PODXL2: variants seen among roughly 807,000 people sequenced by gnomAD.
The protein encoded by PODXL2 is podocalyxin like 2, also known as podocalyxin-like protein 2.
Under a neutral mutation model 53.4 loss-of-function variants are expected in PODXL2, and 17 were observed. That is an observed-to-expected ratio of 0.32 (90% CI 0.22 to 0.48). PODXL2 has a LOEUF of 0.48. PODXL2 is among the 20% of genes least tolerant of loss of function. PODXL2 has a pLI of 0.99. For missense variants in PODXL2, 673 were observed against 760.0 expected (o/e 0.89, Z 1.35); for synonymous variants, 311 against 306.7 (o/e 1.01, Z -0.15).
intron 2 of PODXL2, among the ~76,000 whole-genome samples, chr3:127,644,090 T>C (rs977242548): frequency 3.9e-5 from 6 of 152,202 alleles, no homozygotes; most frequent in Admixed American, 6.5e-5. Context: ...TGTCCTCTTA[T>C]CATTTTAAAG....
chr3:127,669,133 C>T lies in PODXL2; in HGVS notation c.1364-8C>T. 1.3e-6 allele frequency: 2 copies of T among 1,592,920 alleles called. No homozygotes were observed. Among genetic ancestry groups the T allele is most frequent in the South Asian group, 2.3e-5 (2 of 88,682 alleles). ...GTCACACTGATAGTGGTGTTTCTTA[C>T]CCCCCAGGGGTGGTGCCCACTCAAG... is the stretch of plus-strand genomic sequence containing the variant. On this transcript the variant is annotated splice_polypyrimidine_tract_variant and splice_region_variant and intron_variant, in intron 5 of 7. Transcript: ENST00000342480.
chr3:127,631,230 A>T lies in PODXL2; in HGVS notation c.70+1941A>T, dbSNP rs557639448. On this transcript the variant is annotated intron_variant, in intron 1 of 7. Coordinates refer to ENST00000342480, the MANE Select transcript of PODXL2 (RefSeq NM_015720.4). ...TGAGGAGCTGTGTGACAGATGCTGC[A>T]GGGCCCCTCCCATGTTGGTGTCTGC... Among the ~76,000 whole-genome samples the T allele has an allele frequency of 6.6e-5, 10 of 152,308 alleles. No homozygotes were observed. In the South Asian group the frequency reaches 2.1e-3, roughly 32 times the overall value.
intron 1 of PODXL2, among the ~76,000 whole-genome samples, chr3:127,636,583 C>T (rs2074579593): frequency 6.6e-6 from 1 of 152,246 alleles, no homozygotes; most frequent in Non-Finnish European, 1.5e-5. Context: ...GATTCAGACA[C>T]AGGCTCTGGG....
chr3:127,649,798 G>A (rs1411538110), intron 2 of PODXL2, among the ~76,000 whole-genome samples: 1 of 152,158 alleles, frequency 6.6e-6, no homozygotes, highest in African/African-American at 2.4e-5. Flanking sequence ...TTGGCTGGGT[G>A]TGGTGGTGGG....
At chr3:127,642,017 G>A (rs34808703) in intron 2 of PODXL2, among the ~76,000 whole-genome samples, 26 of 112 alleles carry the variant, frequency 0.23, no homozygotes, top group Non-Finnish European at 0.35. Context: ...TTAGGGCCGG[G>A]CACGTGGCTC....
chr3:127,664,615 C>A (rs1056698517), intron 4 of PODXL2, among the ~76,000 whole-genome samples: 2 of 152,090 alleles, frequency 1.3e-5, no homozygotes, highest in Non-Finnish European at 2.9e-5. Flanking sequence ...TTTACATTTT[C>A]GCCAGCACTA....
chr3:127,643,932 C>A (rs998146723), intron 2 of PODXL2, among the ~76,000 whole-genome samples: 1 of 152,162 alleles, frequency 6.6e-6, no homozygotes, highest in African/African-American at 2.4e-5. Context: ...AGCCAGCACG[C>A]CTGGCCCCTT....
chr3:127,650,369 G>A (rs73861556), intron 2 of PODXL2, among the ~76,000 whole-genome samples: 5,907 of 152,244 alleles, frequency 0.039, 299 homozygotes, highest in African/African-American at 0.11. Flanking sequence ...TTAAAAGAAA[G>A]CGGAGAAATA....
chr3:127,672,417 G>A lies in PODXL2; in HGVS notation c.1755G>A (p.Ala585=). 3 of 1,541,960 alleles carry A rather than the reference G, an allele frequency of 1.9e-6. No individual in the cohort carries two copies. The highest frequency in any genetic ancestry group is 1.7e-6 in the Non-Finnish European group (2 of 1,145,400). Residue 585 remains alanine (A), a synonymous_variant, in exon 8 of 8, where the codon GCG becomes GCA. Transcript: ENST00000342480. ...TCAACGGCCCGGGGAGCTGGGGGGC[G>A]CTCATGGGGGGCAAGCGGGACCCCG... ...GALNGPGSWG[A]LMGGKRDPED... is the part of the protein sequence containing the mutation.
chr3:127,631,060 G>A (rs2074542171), intron 1 of PODXL2, among the ~76,000 whole-genome samples: 1 of 152,186 alleles, frequency 6.6e-6, no homozygotes. Context: ...GAGGGCATGT[G>A]CGTGTGTCTA....
At position 127,664,331 on chromosome 3, in the gene PODXL2, C is replaced by CT. The variant is rs575540265; in HGVS notation, c.1206+2033dup. Reference sequence around the variant, plus strand: ...ATTTGGTAGCATGTGGCAGAAATTTCTTTTTTTTTTTTTAAGGCTGAAAAA... The same window carrying CT: ...ATTTGGTAGCATGTGGCAGAAATTTCTTTTTTTTTTTTTTAAGGCTGAAAAA... On this transcript the variant is annotated intron_variant, in intron 4 of 7. Transcript: ENST00000342480. Among the ~76,000 whole-genome samples the CT allele has an allele frequency of 3.4e-3, 483 of 141,590 alleles. 1 individual carries two copies. The highest frequency in any genetic ancestry group is 3.8e-3 in the Non-Finnish European group (245 of 64,212). 92.9% of individuals were successfully genotyped at this position (141,590 alleles called of 152,430 possible).
Position 127,660,698 on chromosome 3 carries a change from G to T in PODXL2, c.670G>T (p.Asp224Tyr). 1 of 1,614,212 alleles carries T rather than the reference G, an allele frequency of 6.2e-7. No individual in the cohort carries two copies. Among genetic ancestry groups the T allele is most frequent in the Non-Finnish European group, 8.5e-7 (1 of 1,180,040 alleles). The change falls in exon 3 of 8, where the codon GAC becomes TAC. Residue 224 changes from aspartate to tyrosine, a missense_variant. By Grantham distance (160) the Asp-to-Tyr change is radical. Coordinates refer to ENST00000342480, the MANE Select transcript of PODXL2 (RefSeq NM_015720.4). ...TPGATKSRHEDSGDQASSGVE... is the reference protein window; with the variant it reads ...TPGATKSRHEYSGDQASSGVE... ...AGGGGCCACCAAAAGCAGGCATGAA[G>T]ACTCCGGGGACCAGGCCTCATCAGG...
At chr3:127,661,299 A>G (rs1342448729) in intron 3 of PODXL2, 140 bp downstream of exon 3, 1 of 643,740 alleles carries the variant, frequency 1.6e-6, no homozygotes, top group African/African-American at 1.8e-5. Flanking sequence ...ACCCCATGGA[A>G]CTTGTGGGGA....
At chr3:127,641,696 A>G (rs1436236552) in intron 2 of PODXL2, among the ~76,000 whole-genome samples, 2 of 151,280 alleles carry the variant, frequency 1.3e-5, no homozygotes, top group African/African-American at 4.9e-5. Flanking sequence ...TATTTTTTTT[A>G]GTAGAGACAG....
chr3:127,656,470 T>C (rs111928487), intron 2 of PODXL2, among the ~76,000 whole-genome samples: 3,140 of 151,836 alleles, frequency 0.021, 108 homozygotes, highest in African/African-American at 0.067. Flanking sequence ...GGCGCGGTGG[T>C]TCACGCCTGT....
chr3:127,646,788 G>A (rs1281814926), intron 2 of PODXL2, among the ~76,000 whole-genome samples: 1 of 152,204 alleles, frequency 6.6e-6, no homozygotes, highest in East Asian at 1.9e-4. Context: ...GCTGGGCCAA[G>A]GGAGGTTCAG....
intron 6 of PODXL2, among the ~76,000 whole-genome samples, chr3:127,669,597 C>T (rs1404847839): frequency 6.6e-6 from 1 of 152,164 alleles, no homozygotes; most frequent in Non-Finnish European, 1.5e-5. Context: ...TGATGGGTTC[C>T]AGAAACCAAA....
intron 2 of PODXL2, among the ~76,000 whole-genome samples, chr3:127,644,947 C>T (rs749373667): frequency 5.3e-5 from 8 of 152,224 alleles, no homozygotes. Flanking sequence ...CCTCGCCTTA[C>T]GTTTCCTCAG....
intron 5 of PODXL2, 92 bp downstream of exon 5, chr3:127,668,689 C>T (rs968304497): frequency 1.6e-6 from 2 of 1,236,042 alleles, no homozygotes; most frequent in Admixed American, 3.3e-5. Flanking sequence ...CGCATAAGGG[C>T]TTTGAAACTT....
Sources: gnomAD v4.1 joint callset for allele counts (sites outside exome capture counted in the v4.1 genomes callset) on GRCh38, gnomAD v4.1.1 for gene constraint, MANE v1.5 for transcripts, NCBI Gene and HGNC (gene_info 2026-07-23, HGNC 2026-07-21) for gene names.